The following OR51B5 variants were observed in gnomAD, a reference collection of about 807,000 sequenced individuals.
OR51B5 encodes olfactory receptor 51B5.
For synonymous variants in OR51B5, 186 were observed against 144.8 expected, an observed-to-expected ratio of 1.28 and a Z score of -2.04; for missense variants, 456 against 374.6, an observed-to-expected ratio of 1.22 and a Z score of -1.79.
At chr11:5,379,852 C>T (rs1287446999) in intron 1 of OR51B5, among the ~76,000 whole-genome samples, 2 of 152,154 alleles carry the variant, frequency 1.3e-5, no homozygotes, top group East Asian at 1.9e-4. Flanking sequence ...CGTCCTCTCT[C>T]ATCATGTGAT....
intron 1 of OR51B5, chr11:5,440,771 A>G (rs759197332): frequency 6.2e-6 from 10 of 1,613,866 alleles, no homozygotes; most frequent in Middle Eastern, 1.6e-4. Flanking sequence ...CCAGCACTGC[A>G]CAGATGTGTG....
At position 5,397,052 on chromosome 11, in the gene OR51B5, C is replaced by G. The variant is rs1446134965; in HGVS notation, n.85-50142G>C. On this transcript the variant is annotated intron_variant and non_coding_transcript_variant, in intron 1 of 4. Transcript: ENST00000415970. ...TCCTTACACCTTATACAAAAATTAA[C>G]TCAAGATGGATTAAAGACTTAAATG... 5.3e-5 allele frequency among the ~76,000 whole-genome samples: 8 copies of G among 152,102 alleles called. No homozygotes were observed. In the East Asian group the frequency reaches 1.5e-3, roughly 29 times the overall value.
At chr11:5,422,173 C>T in intron 1 of OR51B5, 1 of 1,499,252 alleles carries the variant, frequency 6.7e-7, no homozygotes, top group Non-Finnish European at 9.1e-7. Context: ...GAGTGAAGAT[C>T]CTGAATCTGA....
chr11:5,351,954 G>A, intron 1 of OR51B5: 2 of 1,613,026 alleles, frequency 1.2e-6, no homozygotes, highest in Non-Finnish European at 1.7e-6. Flanking sequence ...TATTGACAAG[G>A]GCTGGTCTGT....
At chr11:5,354,454 G>A (rs142337100) in intron 1 of OR51B5, among the ~76,000 whole-genome samples, 24 of 150,734 alleles carry the variant, frequency 1.6e-4, no homozygotes, top group African/African-American at 5.8e-4. Context: ...CTGAAGAGAT[G>A]TGATGAAGAG....
intron 1 of OR51B5, among the ~76,000 whole-genome samples, chr11:5,439,479 C>T (rs1379833463): frequency 6.6e-6 from 1 of 152,082 alleles, no homozygotes; most frequent in Non-Finnish European, 1.5e-5. Flanking sequence ...TGGAAACTCC[C>T]CGTTTGTCTA....
intron 1 of OR51B5, chr11:5,430,793 AAGCATGTTTGGC>A: frequency 2.2e-6 from 1 of 457,328 alleles, no homozygotes; most frequent in Non-Finnish European, 4.4e-6. Context: ...ACAATGGGAG[AAGCATGTTTGGC>A]AGCACGATGC....
At chr11:5,434,758 G>A (rs960050939) in intron 1 of OR51B5, among the ~76,000 whole-genome samples, 1 of 152,156 alleles carries the variant, frequency 6.6e-6, no homozygotes, top group African/African-American at 2.4e-5. Context: ...TCACTCCTAA[G>A]ATGCCTTATT....
At chr11:5,488,611 A>G (rs1851530109) in intron 1 of OR51B5, 7 of 968,528 alleles carry the variant, frequency 7.2e-6, no homozygotes, top group African/African-American at 1.6e-5. Flanking sequence ...TATTTCACAG[A>G]AAGATCTTTG....
chr11:5,466,105 T>C (rs1851135339), intron 1 of OR51B5, among the ~76,000 whole-genome samples: 1 of 152,102 alleles, frequency 6.6e-6, no homozygotes, highest in African/African-American at 2.4e-5. Flanking sequence ...CTCAAACAAA[T>C]TTACAAAAAC....
chr11:5,420,462 CTATTG>C (rs1850316166), intron 1 of OR51B5, among the ~76,000 whole-genome samples: 1 of 151,840 alleles, frequency 6.6e-6, no homozygotes, highest in Non-Finnish European at 1.5e-5. Flanking sequence ...TTTTCTTAAT[CTATTG>C]TATTTTTCTT....
intron 1 of OR51B5, among the ~76,000 whole-genome samples, chr11:5,453,007 GTCTC>G (rs111336141): frequency 0.057 from 8,641 of 152,168 alleles, 835 homozygotes; most frequent in African/African-American, 0.2. Flanking sequence ...CTCTGGGAAA[GTCTC>G]TCATTAATTT....
intron 1 of OR51B5, among the ~76,000 whole-genome samples, chr11:5,418,925 C>G (rs555216325): frequency 1.3e-5 from 2 of 148,780 alleles, no homozygotes; most frequent in East Asian, 3.9e-4. Context: ...TCCTGAGACA[C>G]CACAGTATAC....
intron 1 of OR51B5, among the ~76,000 whole-genome samples, chr11:5,478,069 A>G (rs2133806020): frequency 6.6e-6 from 1 of 151,868 alleles, no homozygotes; most frequent in Middle Eastern, 3.4e-3. Flanking sequence ...GGCACAGACA[A>G]ACAAAAAGAC....
intron 1 of OR51B5, among the ~76,000 whole-genome samples, chr11:5,437,271 A>G (rs937775530): frequency 1.3e-5 from 2 of 152,128 alleles, no homozygotes; most frequent in African/African-American, 4.8e-5. Context: ...CACAGTCTAG[A>G]TCCCTGAATT....
intron 1 of OR51B5, chr11:5,488,762 G>A (rs1564830830): frequency 6.2e-7 from 1 of 1,613,938 alleles, no homozygotes. Context: ...TTCTTAACAG[G>A]GATCCCAGGG....
rs1216852990 is a variant in OR51B5 at position 5,424,930 on chromosome 11, C to T, written n.85-78020G>A. 5.9e-5 allele frequency among the ~76,000 whole-genome samples: 6 copies of T among 101,508 alleles called. 1 individual carries two copies. Among genetic ancestry groups the T allele is most frequent in the East Asian group, 2.1e-4 (1 of 4,656 alleles). The allele number at this position is 101,508 out of a possible 152,430, so 66.6% of individuals were successfully genotyped here. ...CCGGGAGGCGGAGCTTGCAGTGAGC[C>T]GAGATCCCGCCACTGCACTCCAGCC... On this transcript the variant is annotated intron_variant and non_coding_transcript_variant, in intron 1 of 4. Coordinates refer to the OR51B5 transcript ENST00000415970.
At chr11:5,460,993 G>A (rs1453909745) in intron 1 of OR51B5, among the ~76,000 whole-genome samples, 1 of 152,188 alleles carries the variant, frequency 6.6e-6, no homozygotes, top group Non-Finnish European at 1.5e-5. Context: ...ACAACACTCT[G>A]ACAGGGGCTG....
chr11:5,375,796 C>T (rs1849517395), intron 1 of OR51B5, among the ~76,000 whole-genome samples: 1 of 152,138 alleles, frequency 6.6e-6, no homozygotes, highest in Admixed American at 6.5e-5. Flanking sequence ...TACAGGAGCA[C>T]CCAGATTCAT....
Sources: allele counts gnomAD v4.1 joint callset (sites outside exome capture counted in the v4.1 genomes callset), GRCh38; gene constraint gnomAD v4.1.1; transcripts MANE v1.5; gene names NCBI Gene and HGNC (gene_info 2026-07-23, HGNC 2026-07-21).